PSMD8: variants seen among roughly 807,000 people sequenced by gnomAD.
PSMD8 encodes 26S proteasome non-ATPase regulatory subunit 8.
PSMD8 carries 30 observed loss-of-function variants against 40.0 expected under a neutral mutation model. The observed-to-expected ratio is 0.75, with a 90% CI of 0.56 to 1.02. The LOEUF is 1.02. PSMD8 is among the 50% of genes least tolerant of loss of function. The pLI is 0.00. For missense variants in PSMD8, 461 were observed against 463.9 expected (o/e 0.99, Z 0.06); for synonymous variants, 208 against 192.5 (o/e 1.08, Z -0.67).
Position 38,379,303 on chromosome 19 carries a change from G to A in PSMD8, c.600G>A (p.Leu200=), listed in dbSNP as rs367962688. The A allele has an allele frequency of 2.5e-6, 4 of 1,614,000 alleles. No homozygotes were observed. In the African/African-American group the frequency reaches 4.0e-5, roughly 16 times the overall value. ...QLLGLNLLFL[L]SQNRVAEFHT... is the part of the protein sequence containing the mutation. The stretch of plus-strand genomic sequence containing the variant: ...TGGGCCTCAACCTCCTCTTCCTGCT[G>A]TCCCAGAACCGGGTGGCTGAGTTCC... Residue 200 remains leucine, a synonymous_variant, in exon 4 of 7, where the codon CTG becomes CTA. Transcript: ENST00000215071.
In PSMD8 at chr19:38,383,245, T is replaced by C. The variant is rs1340608045; in HGVS notation, c.916-8T>C. Reference sequence around the variant, plus strand: ...CTCTACTCGTCTCTAATCCCTCCTTTCCTGCAGCGAGGGTGGGTCCTGGGC... The same window carrying C: ...CTCTACTCGTCTCTAATCCCTCCTTCCCTGCAGCGAGGGTGGGTCCTGGGC... On this transcript the variant is annotated splice_polypyrimidine_tract_variant and splice_region_variant and intron_variant, in intron 6 of 6. Coordinates refer to ENST00000215071, the MANE Select transcript of PSMD8 (RefSeq NM_002812.5). 7.4e-6 allele frequency: 12 copies of C among 1,612,268 alleles called. No homozygotes were observed. The Admixed American group carries it at 1.8e-4, about 25-fold the overall frequency.
At chr19:38,374,990 T>A in intron 1 of PSMD8, 29 bp downstream of exon 1, 2 of 1,539,262 alleles carry the variant, frequency 1.3e-6, no homozygotes, top group Non-Finnish European at 1.7e-6. Context: ...GGAAACCGAG[T>A]GTTGCGGGCG....
At chr19:38,376,279 G>T (rs1346788688) in intron 2 of PSMD8, 47 bp downstream of exon 2, 1 of 1,546,300 alleles carries the variant, frequency 6.5e-7, no homozygotes, top group South Asian at 1.2e-5. Context: ...GGGGGTCATG[G>T]CAGGAATGGT....
At position 38,381,257 on chromosome 19, in the gene PSMD8, C is replaced by G. The variant is rs751982246; in HGVS notation, c.803+258C>G. 1.5e-5 allele frequency: 6 copies of G among 408,432 alleles called. No individual in the cohort carries two copies. In the South Asian group the frequency reaches 2.2e-4, roughly 15 times the overall value. 25.3% of individuals were successfully genotyped at this position (408,432 alleles called of 1,614,324 possible). A position where few individuals can be genotyped will look rare whatever the true frequency, so the allele number is the denominator to read the frequency against. On this transcript the variant is annotated intron_variant, in intron 5 of 6. Coordinates refer to ENST00000215071, the MANE Select transcript of PSMD8 (RefSeq NM_002812.5). ...AAACCTGAGCATGGAATTGGTTCAG[C>G]AGGCAGGGATTGTGCGGCCTGTCTT...
At position 38,382,455 on chromosome 19, in the gene PSMD8, G is replaced by A. The variant is rs897843623; in HGVS notation, c.915+227G>A. ...CTGGCAGCAGCTGGAGGTGGGCGCT[G>A]CACGCATGTTGGCTGCTGTCTTTAT... On this transcript the variant is annotated intron_variant, in intron 6 of 6. Coordinates refer to ENST00000215071, the MANE Select transcript of PSMD8 (RefSeq NM_002812.5). 15 of 584,006 alleles carry A rather than the reference G, an allele frequency of 2.6e-5. No homozygotes were observed. The African/African-American group carries it at 2.6e-4, about 10-fold the overall frequency. 36.2% of individuals were successfully genotyped at this position (584,006 alleles called of 1,614,324 possible).
At chr19:38,383,194 G>C in intron 6 of PSMD8, 59 bp from the exon 7 acceptor site, 1 of 1,603,048 alleles carries the variant, frequency 6.2e-7, no homozygotes, top group South Asian at 1.1e-5. Flanking sequence ...TGGCCCCATA[G>C]GGTGGGGATG....
Position 38,374,819 on chromosome 19 carries a change from C to G in PSMD8, c.218C>G (p.Ala73Gly). The change falls in exon 1 of 7, where the codon GCA (alanine) becomes GGA (glycine). Residue 73 changes from alanine to glycine, a missense_variant. Around this residue, in one of 2 missense-constraint regions of PSMD8, gnomAD observed 225 missense variants for 142.7 expected, o/e 1.58. Coordinates refer to ENST00000215071, the MANE Select transcript of PSMD8 (RefSeq NM_002812.5). ...KMAAAAVNGA[A>G]GFSSSGPAAT... ...GCGGCCGCGGCGGTGAACGGGGCGG[C>G]AGGCTTCTCGAGCTCCGGGCCCGCG... 1 of 1,574,288 alleles carries G rather than the reference C, an allele frequency of 6.4e-7. No individual in the cohort carries two copies. Among genetic ancestry groups the G allele is most frequent in the Non-Finnish European group, 8.6e-7 (1 of 1,167,158 alleles).
At chr19:38,382,355 C>A in intron 6 of PSMD8, 127 bp downstream of exon 6, 1 of 750,482 alleles carries the variant, frequency 1.3e-6, no homozygotes, top group Non-Finnish European at 2.3e-6. Context: ...TGACTCTAGG[C>A]AAGCTGCCAA....
intron 6 of PSMD8, chr19:38,382,552 G>GC (rs1364917690): frequency 5.5e-6 from 3 of 543,420 alleles, no homozygotes; most frequent in Non-Finnish European, 9.7e-6. Flanking sequence ...TTGAGCACGA[G>GC]CAACGCTTGG....
chr19:38,374,693 G>A lies in PSMD8; in HGVS notation c.92G>A (p.Arg31Gln), dbSNP rs1215967720. 2 of 1,543,008 alleles carry A rather than the reference G, an allele frequency of 1.3e-6. No homozygotes were observed. The highest frequency in any genetic ancestry group is 8.7e-7 in the Non-Finnish European group (1 of 1,147,198). Residue 31 changes from arginine to glutamine, a missense_variant, in exon 1 of 7, where the codon CGG becomes CAG. Arg to Gln is a conservative substitution (Grantham distance 43). Transcript: ENST00000215071. ...CTGAGGCAGGTTGTAGCCCCGCCCC[G>A]GGCCTTGGGCTCCACCTCTCGGCCC... ...GGLRQVVAPPRALGSTSRPHF... is the reference protein window; with the variant it reads ...GGLRQVVAPPQALGSTSRPHF...
chr19:38,380,723 T>TGTGTGCGCGCGCGCGTGCGCGC (rs1555743512), intron 4 of PSMD8, among the ~76,000 whole-genome samples, 176 bp from the exon 5 acceptor site: 3 of 143,896 alleles, frequency 2.1e-5, no homozygotes, highest in African/African-American at 7.6e-5. Context: ...TGTGTGTGTG[T>TGTGTGCGCGCGCGCGTGCGCGC]GTGTGTGCGC....
rs151185277 is a variant in PSMD8, at chr19:38,383,385, G to A, written c.1048G>A (p.Val350Ile). ...GTATGCCCGGCAGCTGGAGATGATCGTCTGAGCCCCCCGGGCACTGGGTGG... is the reference window on the plus strand; with the variant it reads ...GTATGCCCGGCAGCTGGAGATGATCATCTGAGCCCCCCGGGCACTGGGTGG... The part of the protein sequence containing the change: ...IEYARQLEMI[V>I] Residue 350 changes from valine to isoleucine, a missense_variant, in exon 7 of 7, where the codon GTC becomes ATC. Val to Ile is a conservative substitution (Grantham distance 29). This residue lies in a region of PSMD8 where 236 missense variants were observed against 321.2 expected (regional missense o/e 0.73). Transcript: ENST00000215071. 2.5e-5 allele frequency: 41 copies of A among 1,613,802 alleles called. No homozygotes were observed. Among genetic ancestry groups the A allele is most frequent in the African/African-American group, 6.7e-5 (5 of 74,896 alleles).
In PSMD8 at chr19:38,379,224, C is replaced by A; in HGVS notation, c.537-16C>A. 6.2e-7 allele frequency: 1 copy of A among 1,611,932 alleles called. No homozygotes were observed. Among genetic ancestry groups the A allele is most frequent in the Admixed American group, 1.7e-5 (1 of 59,908 alleles). On this transcript the variant is annotated splice_polypyrimidine_tract_variant and intron_variant, in intron 3 of 6. Coordinates refer to ENST00000215071, the MANE Select transcript of PSMD8 (RefSeq NM_002812.5). Reference sequence around the variant, plus strand: ...TTAAATCCTCCTTAACCTGCTTCCCCATCCCACGTCCACAGGGAGCAGCTC... The same window carrying A: ...TTAAATCCTCCTTAACCTGCTTCCCAATCCCACGTCCACAGGGAGCAGCTC...
rs757052417 is a variant in PSMD8 at position 38,380,956 on chromosome 19, G to A, written c.760G>A (p.Glu254Lys). 8.8e-6 allele frequency: 14 copies of A among 1,590,844 alleles called. No individual in the cohort carries two copies. Among genetic ancestry groups the A allele is most frequent in the Non-Finnish European group, 8.6e-6 (10 of 1,167,772 alleles). Residue 254 changes from glutamate to lysine, a missense_variant, in exon 5 of 7, where the codon GAG (glutamate) becomes AAG (lysine). By Grantham distance (56) the Glu-to-Lys change is moderately conservative. This residue lies in a region of PSMD8 where 236 missense variants were observed against 321.2 expected (regional missense o/e 0.73). Coordinates refer to ENST00000215071, the MANE Select transcript of PSMD8 (RefSeq NM_002812.5). The part of the protein sequence containing the change: ...VFLAKGNIPA[E>K]SYTFFIDILL... ...CCTGGCCAAGGGTAACATCCCCGCC[G>A]AGAGCTACACCTTCTTCATTGACAT...
intron 5 of PSMD8, 70 bp from the exon 6 acceptor site, chr19:38,382,047 C>T (rs539664537): frequency 9.0e-7 from 1 of 1,107,356 alleles, no homozygotes; most frequent in Non-Finnish European, 1.3e-6. Context: ...TGACACATGT[C>T]AGGTCTGGGG....
Position 38,376,258 on chromosome 19 carries a change from G to T in PSMD8, c.433+26G>T, listed in dbSNP as rs377528223. 15 of 1,575,264 alleles carry T rather than the reference G, an allele frequency of 9.5e-6. No homozygotes were observed. The South Asian group carries it at 1.7e-4, about 18-fold the overall frequency. On this transcript the variant is annotated intron_variant, in intron 2 of 6. Transcript: ENST00000215071. ...GTGAGTGTCACTGGGGTTGGTTGGG[G>T]GTGATAATCTGGGGGTCATGGCAGG...
At position 38,383,450 on chromosome 19, in the gene PSMD8, T is replaced by C. The variant is rs993441878; in HGVS notation, c.*60T>C. ...TATTTAAAACAGTTACACTGCAGGGTTTCGCCCAATAAAGGTGGACTGACA... is the reference window on the plus strand; with the variant it reads ...TATTTAAAACAGTTACACTGCAGGGCTTCGCCCAATAAAGGTGGACTGACA... On this transcript the variant is annotated 3_prime_UTR_variant, in exon 7 of 7. Transcript: ENST00000215071. 55 of 1,601,070 alleles carry C rather than the reference T, an allele frequency of 3.4e-5. No individual in the cohort carries two copies. Among genetic ancestry groups the C allele is most frequent in the Non-Finnish European group, 4.0e-5 (47 of 1,170,164 alleles).
chr19:38,381,119 T>C, intron 5 of PSMD8, 120 bp downstream of exon 5: 1 of 752,712 alleles, frequency 1.3e-6, no homozygotes, highest in Non-Finnish European at 2.1e-6. Context: ...GTGTTTCTTA[T>C]CCTCCTAGCA....
Position 38,374,598 on chromosome 19 carries a change from T to A in PSMD8, c.-4T>A, listed in dbSNP as rs1465238724. ...GTGACGACAGAGGCGGAGCTCCAAC[T>A]GACATGTTCATTAAGGGCAGGGCTC... On this transcript the variant is annotated 5_prime_UTR_variant, in exon 1 of 7. Coordinates refer to ENST00000215071, the MANE Select transcript of PSMD8 (RefSeq NM_002812.5). The A allele has an allele frequency of 5.5e-6, 8 of 1,462,640 alleles. No individual in the cohort carries two copies. The highest frequency in any genetic ancestry group is 7.2e-6 in the Non-Finnish European group (8 of 1,111,536). 90.6% of individuals were successfully genotyped at this position (1,462,640 alleles called of 1,614,324 possible).
Sources: gnomAD v4.1 joint callset for allele counts (sites outside exome capture counted in the v4.1 genomes callset) on GRCh38, gnomAD v4.1.1 for gene constraint, gnomAD v4.1.1 regional missense constraint, MANE v1.5 for transcripts, NCBI Gene and HGNC (gene_info 2026-07-23, HGNC 2026-07-21) for gene names.